Variants in CACNB4 observed in about 807,000 individuals in gnomAD.
CACNB4 encodes calcium voltage-gated channel auxiliary subunit beta 4, also known as voltage-dependent L-type calcium channel subunit beta-4.
Under a neutral mutation model 71.2 loss-of-function variants are expected in CACNB4, and 32 were observed. The observed-to-expected ratio is 0.45, with a 90% CI of 0.34 to 0.60. The LOEUF is 0.60. Ranked by LOEUF, CACNB4 falls within the 20% of genes least tolerant of loss-of-function variation. The probability of loss-of-function intolerance (pLI) is 0.01; values close to 1 mark genes in which losing one functional copy is unlikely to be tolerated. For missense variants in CACNB4, 464 were observed against 647.9 expected (o/e 0.72, Z 3.08); for synonymous variants, 231 against 236.9 (o/e 0.97, Z 0.23).
chr2:151,917,445 G>A (rs970745382), intron 2 of CACNB4, among the ~76,000 whole-genome samples: 1 of 152,198 alleles, frequency 6.6e-6, no homozygotes, highest in African/African-American at 2.4e-5. Context: ...TGTGGACTAA[G>A]TAAGGCAATC....
intron 2 of CACNB4, among the ~76,000 whole-genome samples, chr2:151,958,243 C>T (rs1044780975): frequency 6.6e-6 from 1 of 152,162 alleles, no homozygotes; most frequent in Non-Finnish European, 1.5e-5. Flanking sequence ...TAATATATGG[C>T]AAGCTTCCTC....
chr2:152,028,531 G>T (rs923016081), intron 2 of CACNB4, among the ~76,000 whole-genome samples: 3 of 152,160 alleles, frequency 2.0e-5, no homozygotes, highest in African/African-American at 7.2e-5. Context: ...ATATAATCAT[G>T]TAATCATGTT....
chr2:151,866,163 GCTCTAAACTGA>G (rs1472650179), intron 9 of CACNB4: 1 of 152,122 alleles, frequency 6.6e-6, no homozygotes, highest in Non-Finnish European at 1.5e-5. Flanking sequence ...ATAATAAGTA[GCTCTAAACTGA>G]CTCAAATAAT....
intron 2 of CACNB4, among the ~76,000 whole-genome samples, chr2:152,021,244 T>C (rs1683649539): frequency 6.6e-6 from 1 of 152,156 alleles, no homozygotes; most frequent in Non-Finnish European, 1.5e-5. Flanking sequence ...AGACTCCATC[T>C]CAAAATAAAT....
chr2:152,041,489 G>C (rs575837306), intron 2 of CACNB4, among the ~76,000 whole-genome samples: 55 of 152,346 alleles, frequency 3.6e-4, no homozygotes, highest in African/African-American at 1.3e-3. Flanking sequence ...GAAGAAACAT[G>C]AAGGTAGGCA....
In CACNB4 at chr2:151,973,708, A is replaced by G. The variant is rs1357943875; in HGVS notation, c.148-90338T>C. Reference sequence around the variant, plus strand: ...CAATTCCATGCAGGTACAAATTGTCATACATGGAGGTGTGATAATCCAGAG... The same window carrying G: ...CAATTCCATGCAGGTACAAATTGTCGTACATGGAGGTGTGATAATCCAGAG... On this transcript the variant is annotated intron_variant, in intron 2 of 13. Transcript: ENST00000539935. The G allele has an allele frequency of 4.3e-6, 7 of 1,613,470 alleles. No individual in the cohort carries two copies. In the Admixed American group the frequency reaches 5.0e-5, roughly 12 times the overall value.
chr2:151,857,358 T>C (rs540988191), intron 10 of CACNB4: 12 of 152,326 alleles, frequency 7.9e-5, no homozygotes, highest in African/African-American at 2.2e-4. Flanking sequence ...CTGAAAGACT[T>C]CACATTGCTT....
At chr2:151,953,809 G>T (rs1326918852) in intron 2 of CACNB4, among the ~76,000 whole-genome samples, 1 of 152,094 alleles carries the variant, frequency 6.6e-6, no homozygotes, top group Non-Finnish European at 1.5e-5. Flanking sequence ...AGTTCCATAG[G>T]TACTTGTGAA....
chr2:151,902,090 A>C (rs1375259061), intron 2 of CACNB4, among the ~76,000 whole-genome samples: 1 of 144,314 alleles, frequency 6.9e-6, no homozygotes, highest in African/African-American at 2.7e-5. Flanking sequence ...GCTGGAGAGC[A>C]GTGGCACGAT....
At chr2:152,072,693 T>C (rs1024109982) in intron 2 of CACNB4, among the ~76,000 whole-genome samples, 2 of 152,038 alleles carry the variant, frequency 1.3e-5, no homozygotes, top group African/African-American at 4.8e-5. Flanking sequence ...CAGGTTGGAG[T>C]GCAGTGGCAT....
intron 2 of CACNB4, among the ~76,000 whole-genome samples, chr2:151,898,110 G>A (rs2099852535): frequency 6.6e-6 from 1 of 152,182 alleles, no homozygotes; most frequent in Non-Finnish European, 1.5e-5. Flanking sequence ...TATTTCTTCT[G>A]CCTGCAAGAA....
intron 2 of CACNB4, among the ~76,000 whole-genome samples, chr2:152,055,625 G>A (rs1193756784): frequency 6.6e-6 from 1 of 152,130 alleles, no homozygotes; most frequent in Non-Finnish European, 1.5e-5. Flanking sequence ...TTATCACTTT[G>A]ATTATTACTG....
intron 2 of CACNB4, among the ~76,000 whole-genome samples, chr2:152,009,321 T>C (rs1682921179): frequency 6.6e-6 from 1 of 151,886 alleles, no homozygotes; most frequent in African/African-American, 2.4e-5. Context: ...AATGACAAAA[T>C]GTCATGTGGT....
intron 2 of CACNB4, among the ~76,000 whole-genome samples, chr2:151,916,020 T>G: frequency 1.9e-5 from 1 of 53,910 alleles, no homozygotes; most frequent in Non-Finnish European, 1.0e-4. Context: ...CGTGTGGCTC[T>G]CAGCTGGGCT....
At chr2:151,926,895 C>T (rs1056739105) in intron 2 of CACNB4, among the ~76,000 whole-genome samples, 2 of 152,182 alleles carry the variant, frequency 1.3e-5, no homozygotes, top group African/African-American at 2.4e-5. Context: ...TACTTACTAA[C>T]TTTGCCTTTG....
intron 2 of CACNB4, among the ~76,000 whole-genome samples, chr2:151,984,455 T>C (rs571626458): frequency 6.6e-6 from 1 of 152,280 alleles, no homozygotes; most frequent in East Asian, 1.9e-4. Context: ...CCTCAACTAA[T>C]ACAGGTTCAC....
intron 2 of CACNB4, among the ~76,000 whole-genome samples, chr2:151,899,861 C>T (rs577482300): frequency 1.3e-5 from 2 of 152,290 alleles, no homozygotes; most frequent in African/African-American, 4.8e-5. Flanking sequence ...AAATAAGACA[C>T]GGTCCTTGCC....
At chr2:151,844,858 C>T (rs1254315829) in intron 12 of CACNB4, among the ~76,000 whole-genome samples, 1 of 152,186 alleles carries the variant, frequency 6.6e-6, no homozygotes, top group Non-Finnish European at 1.5e-5. Flanking sequence ...TTGTTTATAT[C>T]ATTTTATTTA....
At chr2:152,030,376 C>A (rs2010310) in intron 2 of CACNB4, among the ~76,000 whole-genome samples, 43,527 of 152,124 alleles carry the variant, frequency 0.29, 6,468 homozygotes, top group Middle Eastern at 0.43. Flanking sequence ...AAATTTTACA[C>A]AAGATCATCA....
Sources: gnomAD v4.1 joint callset for allele counts (sites outside exome capture counted in the v4.1 genomes callset) on GRCh38, gnomAD v4.1.1 for gene constraint, MANE v1.5 for transcripts, NCBI Gene and HGNC (gene_info 2026-07-23, HGNC 2026-07-21) for gene names.